KAZN: variants seen among roughly 807,000 people sequenced by gnomAD.
KAZN encodes kazrin.
KAZN carries 40 observed loss-of-function variants against 87.4 expected under a neutral mutation model. That is an observed-to-expected ratio of 0.46 (90% CI 0.36 to 0.60). The LOEUF (loss-of-function observed/expected upper bound fraction) is 0.60. Ranked by LOEUF, KAZN falls within the 20% of genes least tolerant of loss-of-function variation. KAZN has a pLI of 0.00. For synonymous variants in KAZN, 466 were observed against 458.3 expected (o/e 1.02, Z -0.22); for missense variants, 898 against 1,073.9 (o/e 0.84, Z 2.29).
chr1:15,026,427 G>T (rs746316168), intron 2 of KAZN, among the ~76,000 whole-genome samples: 1 of 152,178 alleles, frequency 6.6e-6, no homozygotes, highest in Non-Finnish European at 1.5e-5. Context: ...CAAAGGTGAG[G>T]TCTGTTGGGA....
intron 1 of KAZN, among the ~76,000 whole-genome samples, chr1:14,941,975 T>G (rs1021690876): frequency 2.0e-5 from 3 of 152,158 alleles, no homozygotes; most frequent in African/African-American, 7.2e-5. Flanking sequence ...CATGGCTTGG[T>G]TGGTGGTCAG....
chr1:14,378,857 G>A (rs1661129808), intron 2 of KAZN, among the ~76,000 whole-genome samples: 1 of 151,848 alleles, frequency 6.6e-6, no homozygotes, highest in Admixed American at 6.6e-5. Flanking sequence ...GTGCTGAACT[G>A]GTCTCAGAAC....
chr1:14,619,085 G>C (rs1678485738), intron 1 of KAZN, among the ~76,000 whole-genome samples: 1 of 152,110 alleles, frequency 6.6e-6, no homozygotes, highest in Non-Finnish European at 1.5e-5. Context: ...ATTGAGATGA[G>C]AGTAAATGAG....
chr1:14,744,970 C>G (rs1032331119), intron 1 of KAZN, among the ~76,000 whole-genome samples: 1 of 152,124 alleles, frequency 6.6e-6, no homozygotes, highest in Non-Finnish European at 1.5e-5. Flanking sequence ...GACCCAGAAC[C>G]GCCTGAGCCT....
At chr1:14,747,151 G>A (rs1023004382) in intron 1 of KAZN, among the ~76,000 whole-genome samples, 1 of 152,130 alleles carries the variant, frequency 6.6e-6, no homozygotes, top group Non-Finnish European at 1.5e-5. Flanking sequence ...GCGGTAGCAT[G>A]TTCAGAGTTA....
intron 2 of KAZN, among the ~76,000 whole-genome samples, chr1:14,193,661 GTTT>G (rs35505020): frequency 0.03 from 4,238 of 140,586 alleles, 199 homozygotes; most frequent in African/African-American, 0.093. Flanking sequence ...AGACTAAGGT[GTTT>G]TTTTTTTTTT....
At chr1:13,906,548 T>TC (rs1217822665) in intron 1 of KAZN, among the ~76,000 whole-genome samples, 1 of 152,196 alleles carries the variant, frequency 6.6e-6, no homozygotes, top group East Asian at 1.9e-4. Flanking sequence ...GTCTGCCTCT[T>TC]CCCGTTCTTC....
intron 1 of KAZN, among the ~76,000 whole-genome samples, chr1:14,921,918 G>C (rs1463488524): frequency 1.3e-5 from 2 of 152,116 alleles, no homozygotes; most frequent in Admixed American, 6.5e-5. Context: ...CACCATATTA[G>C]CCAGGCTGGT....
At chr1:14,087,994 G>GTT (rs372871125) in intron 1 of KAZN, among the ~76,000 whole-genome samples, 2 of 134,976 alleles carry the variant, frequency 1.5e-5, no homozygotes, top group Non-Finnish European at 3.2e-5. Flanking sequence ...CCCTCTTGCT[G>GTT]TTTTTTTTTT....
chr1:14,510,981 G>A (rs745597516), intron 2 of KAZN, among the ~76,000 whole-genome samples: 3 of 151,914 alleles, frequency 2.0e-5, no homozygotes, highest in Non-Finnish European at 2.9e-5. Flanking sequence ...AGGTCTCTTC[G>A]TCGCTCAAGA....
intron 1 of KAZN, among the ~76,000 whole-genome samples, chr1:14,832,371 G>A (rs1258256391): frequency 1.3e-5 from 2 of 152,162 alleles, no homozygotes; most frequent in Non-Finnish European, 2.9e-5. Flanking sequence ...CCTGGAATTT[G>A]CAAAACACAT....
At chr1:14,372,901 A>T (rs1660614521) in intron 2 of KAZN, among the ~76,000 whole-genome samples, 1 of 152,304 alleles carries the variant, frequency 6.6e-6, no homozygotes, top group African/African-American at 2.4e-5. Context: ...CAAATGAACA[A>T]ATTAATAACT....
At chr1:14,945,401 C>T (rs1238842893) in intron 1 of KAZN, among the ~76,000 whole-genome samples, 1 of 152,226 alleles carries the variant, frequency 6.6e-6, no homozygotes, top group Non-Finnish European at 1.5e-5. Flanking sequence ...TCATTTGGGG[C>T]TTGGCTTCCA....
chr1:14,963,472 G>C (rs562575608), intron 2 of KAZN, among the ~76,000 whole-genome samples: 4 of 152,262 alleles, frequency 2.6e-5, no homozygotes, highest in Admixed American at 6.5e-5. Context: ...GGGTATGGTC[G>C]CAGGGAAGGA....
At chr1:14,033,867 C>G (rs188736417) in intron 1 of KAZN, among the ~76,000 whole-genome samples, 25 of 152,288 alleles carry the variant, frequency 1.6e-4, no homozygotes, top group Admixed American at 1.4e-3. Context: ...AAAGGAGGCT[C>G]AGAATTTGTA....
intron 2 of KAZN, among the ~76,000 whole-genome samples, chr1:14,570,961 C>T (rs545961657): frequency 4.0e-4 from 61 of 152,286 alleles, no homozygotes; most frequent in African/African-American, 1.3e-3. Flanking sequence ...ACCTGAATTT[C>T]TCATCTGCAG....
intron 2 of KAZN, among the ~76,000 whole-genome samples, chr1:14,219,112 G>GA (rs1647033317): frequency 6.6e-6 from 1 of 152,064 alleles, no homozygotes; most frequent in South Asian, 2.1e-4. Flanking sequence ...TAAATTACAT[G>GA]AGAAACAAAT....
chr1:13,906,738 C>T (rs1445322298), intron 1 of KAZN, among the ~76,000 whole-genome samples: 1 of 152,222 alleles, frequency 6.6e-6, no homozygotes, highest in Non-Finnish European at 1.5e-5. Context: ...CAGGGACTCA[C>T]TCTGTGCCAA....
intron 2 of KAZN, among the ~76,000 whole-genome samples, chr1:14,220,361 C>G (rs1392598744): frequency 6.6e-6 from 1 of 152,226 alleles, no homozygotes; most frequent in Admixed American, 6.5e-5. Flanking sequence ...TTAATAGCTT[C>G]TCCGCTTCCT....
Sources: allele counts gnomAD v4.1 joint callset (sites outside exome capture counted in the v4.1 genomes callset), GRCh38; gene constraint gnomAD v4.1.1; transcripts MANE v1.5; gene names NCBI Gene and HGNC (gene_info 2026-07-23, HGNC 2026-07-21).